RGPD4: variants seen among roughly 807,000 people sequenced by gnomAD.
RGPD4 encodes the protein RANBP2 like and GRIP domain containing 4, also known as ranBP2-like and GRIP domain-containing protein 4.
Under a neutral mutation model 141.1 loss-of-function variants are expected in RGPD4, and 84 were observed. The observed-to-expected ratio is 0.60, with a 90% confidence interval of 0.50 to 0.71. The LOEUF is 0.71. Among genes scored for constraint, RGPD4 ranks in the 30% least tolerant of loss-of-function variants. RGPD4 has a pLI of 0.00. For synonymous variants in RGPD4, 298 were observed against 566.8 expected, an observed-to-expected ratio of 0.53 and a Z score of 6.74; for missense variants, 918 against 1,622.4, an observed-to-expected ratio of 0.57 and a Z score of 7.46.
At chr2:107,829,663 G>C (rs1325722422) in intron 1 of RGPD4, among the ~76,000 whole-genome samples, 3 of 152,158 alleles carry the variant, frequency 2.0e-5, no homozygotes, top group African/African-American at 4.8e-5. Context: ...CGTGGCACTT[G>C]CGAGCGCAGG....
Position 107,872,002 on chromosome 2 carries a change from A to C in RGPD4, c.3998A>C (p.Gln1333Pro), listed in dbSNP as rs575687215. The change falls in exon 20 of 23, where the codon CAG becomes CCG. Residue 1333 changes from glutamine to proline, a missense_variant. Physicochemically the swap from Gln to Pro is moderately conservative, Grantham distance 76. Coordinates refer to ENST00000408999, the MANE Select transcript of RGPD4 (RefSeq NM_182588.3). ...DVTQEEERDG[Q>P]YFEPVVPLPD... ...ACTCAAGAAGAAGAGAGAGATGGACAGTACTTTGAACCTGTTGTTCCTTTA... is the reference window on the plus strand; with the variant it reads ...ACTCAAGAAGAAGAGAGAGATGGACCGTACTTTGAACCTGTTGTTCCTTTA... 3.0e-5 allele frequency: 49 copies of C among 1,611,554 alleles called. 1 individual carries two copies. In the African/African-American group the frequency reaches 5.8e-4, roughly 19 times the overall value.
intron 22 of RGPD4, among the ~76,000 whole-genome samples, chr2:107,889,891 T>A (rs1573539540): frequency 6.6e-6 from 1 of 151,928 alleles, no homozygotes; most frequent in Non-Finnish European, 1.5e-5. Flanking sequence ...TTTTTTAAAA[T>A]CCTCTTATCA....
At chr2:107,877,807 GT>G (rs1553449754) in intron 20 of RGPD4, among the ~76,000 whole-genome samples, 3 of 150,806 alleles carry the variant, frequency 2.0e-5, no homozygotes, top group South Asian at 2.1e-4. Flanking sequence ...GATGACTAAG[GT>G]TTTTTTTGTT....
chr2:107,883,909 A>G lies in RGPD4; in HGVS notation c.5266+1036A>G, dbSNP rs1358663337. Among the ~76,000 whole-genome samples, 360 of 152,200 alleles carry G rather than the reference A, an allele frequency of 2.4e-3. 2 individuals carry two copies. Among genetic ancestry groups the G allele is most frequent in the African/African-American group, 8.0e-3 (333 of 41,470 alleles). ...TTCAACTCATGGACAATCTTTTGGC[A>G]TAAATAGGGGAGAGTTAGAGACTTA... On this transcript the variant is annotated intron_variant, in intron 22 of 22. Transcript: ENST00000408999.
At chr2:107,855,684 G>C (rs1255481540) in intron 8 of RGPD4, among the ~76,000 whole-genome samples, 1 of 102,982 alleles carries the variant, frequency 9.7e-6, no homozygotes, top group South Asian at 4.1e-4. Flanking sequence ...CCCATTTAAA[G>C]TGTACAGTTC....
At chr2:107,890,422 C>G (rs934761262) in intron 22 of RGPD4, among the ~76,000 whole-genome samples, 1 of 140,762 alleles carries the variant, frequency 7.1e-6, no homozygotes, top group East Asian at 2.0e-4. Flanking sequence ...GTGGCACACA[C>G]CTTGTGGTCC....
rs1682479666 is a variant in RGPD4, at chr2:107,859,840, A to G, written c.1753A>G (p.Lys585Glu). ...LLVHWAKCLQ[K>E]MGSGLNSFYD... ...TGTACATTGGGCAAAATGCCTTCAG[A>G]AAATGGTGAGTTTTAAAGTATAAGC... The change falls in exon 12 of 23, where the codon AAA (lysine) becomes GAA (glutamate). Residue 585 changes from lysine to glutamate, a missense_variant. Coordinates refer to ENST00000408999, the MANE Select transcript of RGPD4 (RefSeq NM_182588.3). 6.3e-7 allele frequency: 1 copy of G among 1,598,960 alleles called. No individual in the cohort carries two copies. The highest frequency in any genetic ancestry group is 1.7e-5 in the Admixed American group (1 of 57,244).
chr2:107,835,530 A>G (rs530914845), intron 1 of RGPD4, among the ~76,000 whole-genome samples: 3 of 151,190 alleles, frequency 2.0e-5, no homozygotes, highest in Non-Finnish European at 4.4e-5. Flanking sequence ...TACATGTACT[A>G]TTGAGGCACA....
chr2:107,853,932 T>A (rs1460240171), intron 7 of RGPD4, among the ~76,000 whole-genome samples: 7 of 125,394 alleles, frequency 5.6e-5, no homozygotes, highest in Non-Finnish European at 9.8e-5. Flanking sequence ...AAACTTTTTT[T>A]AGAGATAGGG....
chr2:107,890,927 T>C lies in RGPD4; in HGVS notation c.*196T>C, dbSNP rs1675640880. 9 of 652,148 alleles carry C rather than the reference T, an allele frequency of 1.4e-5. No homozygotes were observed. The highest frequency in any genetic ancestry group is 6.2e-5 in the South Asian group (3 of 48,356). 40.4% of individuals were successfully genotyped at this position (652,148 alleles called of 1,614,324 possible). ...TATATTTGTACATCTATATGACAGA[T>C]GTATTTTAAAAGTTTCAACTTGAAG... On this transcript the variant is annotated 3_prime_UTR_variant, in exon 23 of 23. Coordinates refer to ENST00000408999, the MANE Select transcript of RGPD4 (RefSeq NM_182588.3).
At chr2:107,878,168 C>T (rs1325819229) in intron 20 of RGPD4, among the ~76,000 whole-genome samples, 6 of 151,446 alleles carry the variant, frequency 4.0e-5, no homozygotes, top group South Asian at 2.1e-4. Context: ...TTTCACTTAT[C>T]TTATAGTTAC....
chr2:107,890,381 C>T (rs1336292239), intron 22 of RGPD4, among the ~76,000 whole-genome samples: 1 of 131,202 alleles, frequency 7.6e-6, no homozygotes, highest in Non-Finnish European at 1.6e-5. Flanking sequence ...ACCTGCATCT[C>T]TACAAAAAAA....
chr2:107,878,027 G>A (rs1446953019), intron 20 of RGPD4, among the ~76,000 whole-genome samples: 3 of 150,954 alleles, frequency 2.0e-5, no homozygotes, highest in Non-Finnish European at 4.4e-5. Context: ...TGGCCAGGCT[G>A]GTCTTGAACT....
chr2:107,890,724 A>C lies in RGPD4; in HGVS notation c.5270A>C (p.Glu1757Ala), dbSNP rs1471656034. 6.2e-7 allele frequency: 1 copy of C among 1,600,380 alleles called. No individual in the cohort carries two copies. Among genetic ancestry groups the C allele is most frequent in the Non-Finnish European group, 8.5e-7 (1 of 1,176,578 alleles). The change falls in exon 23 of 23, where the codon GAG becomes GCG. Residue 1757 changes from glutamate (E) to alanine (A), a missense_variant. Physicochemically the swap from Glu to Ala is moderately radical, Grantham distance 107. Coordinates refer to ENST00000408999, the MANE Select transcript of RGPD4 (RefSeq NM_182588.3). Reference sequence around the variant, plus strand: ...TTTTTTGTTTTACTTTCCAAAGGTGAGGAATAAAATGCTTCCCGTTCTTCT... The same window carrying C: ...TTTTTTGTTTTACTTTCCAAAGGTGCGGAATAAAATGCTTCCCGTTCTTCT... ...KGKLAAVAQG[E>A]E
rs1370274199 is a variant in RGPD4 at position 107,846,777 on chromosome 2, A to AT, written c.783-1558dup. 4.6e-5 allele frequency among the ~76,000 whole-genome samples: 7 copies of AT among 151,604 alleles called. No homozygotes were observed. In the South Asian group the frequency reaches 1.2e-3, roughly 27 times the overall value. ...GCCACCGCACAGGGCCAATAATAGC[A>AT]TTTTTTATGAAAAATAATTATTTTC... On this transcript the variant is annotated intron_variant, in intron 6 of 22. Transcript: ENST00000408999.
intron 21 of RGPD4, among the ~76,000 whole-genome samples, chr2:107,882,311 C>T (rs530432715): frequency 6.7e-6 from 1 of 149,764 alleles, no homozygotes; most frequent in South Asian, 2.1e-4. Flanking sequence ...CTTGTATTAG[C>T]TTGTTGCCTT....
chr2:107,847,149 G>A (rs1404005173), intron 6 of RGPD4, among the ~76,000 whole-genome samples: 1 of 140,460 alleles, frequency 7.1e-6, no homozygotes, highest in Non-Finnish European at 1.5e-5. Context: ...GGCTGAGGCG[G>A]AAGAATCGCT....
chr2:107,830,398 T>C (rs1681440742), intron 1 of RGPD4, among the ~76,000 whole-genome samples: 1 of 151,162 alleles, frequency 6.6e-6, no homozygotes, highest in Admixed American at 6.6e-5. Context: ...AGTGGGGACC[T>C]TGGCTTCCAA....
intron 1 of RGPD4, among the ~76,000 whole-genome samples, chr2:107,834,697 G>T (rs1428678620): frequency 6.9e-6 from 1 of 144,466 alleles, no homozygotes; most frequent in African/African-American, 2.6e-5. Context: ...CTTCCTTTAA[G>T]TGAAGAGGTG....
Sources: gnomAD v4.1 joint callset for allele counts (sites outside exome capture counted in the v4.1 genomes callset) on GRCh38, gnomAD v4.1.1 for gene constraint, MANE v1.5 for transcripts, NCBI Gene and HGNC (gene_info 2026-07-23, HGNC 2026-07-21) for gene names.